CDK6: variants seen among roughly 807,000 people sequenced by gnomAD.
The protein encoded by CDK6 is cyclin-dependent kinase 6.
A neutral mutation model predicts 37.1 loss-of-function variants in CDK6; 6 were observed. The ratio of observed to expected loss-of-function variants is 0.16; its 90% CI spans 0.09 to 0.32. CDK6 has a LOEUF of 0.32. Among genes scored for constraint, CDK6 ranks in the 10% least tolerant of loss-of-function variants. The pLI is 1.00. For missense variants in CDK6, 224 were observed against 418.9 expected (o/e 0.53, Z 4.06); for synonymous variants, 160 against 161.3 (o/e 0.99, Z 0.06).
At chr7:92,791,231 T>C (rs1353292207) in intron 2 of CDK6, among the ~76,000 whole-genome samples, 6 of 152,146 alleles carry the variant, frequency 3.9e-5, no homozygotes, top group Admixed American at 3.9e-4. Context: ...CTTTTGACTT[T>C]GGGGACTTGG....
At chr7:92,711,551 AATTTTTT>A (rs1380327751) in intron 4 of CDK6, among the ~76,000 whole-genome samples, 1 of 130,532 alleles carries the variant, frequency 7.7e-6, no homozygotes, top group African/African-American at 3.3e-5. Context: ...GGAATGGTCA[AATTTTTT>A]TTTTTTTTTT....
chr7:92,662,993 C>T (rs1275900109), intron 5 of CDK6, among the ~76,000 whole-genome samples: 2 of 152,032 alleles, frequency 1.3e-5, no homozygotes, highest in Admixed American at 6.5e-5. Context: ...GAACTTCTTC[C>T]TATGTGACAA....
intron 3 of CDK6, among the ~76,000 whole-genome samples, chr7:92,746,097 G>A (rs1799051512): frequency 6.6e-6 from 1 of 152,076 alleles, no homozygotes; most frequent in African/African-American, 2.4e-5. Context: ...TTTCTTATAG[G>A]TCTATGTCAT....
intron 4 of CDK6, among the ~76,000 whole-genome samples, chr7:92,702,046 T>C (rs972462870): frequency 1.3e-5 from 2 of 152,088 alleles, no homozygotes; most frequent in Non-Finnish European, 2.9e-5. Flanking sequence ...GCAGAAAACA[T>C]GTCACTTCAC....
chr7:92,832,868 T>C (rs1801527100), intron 2 of CDK6, among the ~76,000 whole-genome samples: 2 of 152,170 alleles, frequency 1.3e-5, no homozygotes, highest in Non-Finnish European at 2.9e-5. Context: ...GCTCAGGTCA[T>C]GTTTTTTTGA....
intron 2 of CDK6, among the ~76,000 whole-genome samples, chr7:92,785,196 T>C (rs1157180388): frequency 1.3e-5 from 2 of 152,190 alleles, no homozygotes; most frequent in East Asian, 3.8e-4. Context: ...GGAATACTAT[T>C]TAGTAATAGA....
intron 5 of CDK6, among the ~76,000 whole-genome samples, chr7:92,669,122 T>A (rs992338681): frequency 1.3e-5 from 2 of 152,194 alleles, no homozygotes; most frequent in Non-Finnish European, 2.9e-5. Context: ...TCAGTCCCAA[T>A]GCTGAGATGG....
intron 4 of CDK6, among the ~76,000 whole-genome samples, chr7:92,681,219 G>A (rs1254878530): frequency 6.6e-6 from 1 of 152,178 alleles, no homozygotes; most frequent in Admixed American, 6.5e-5. Flanking sequence ...GATTGTGTAA[G>A]AAGACTCACA....
chr7:92,806,865 G>A (rs928938561), intron 2 of CDK6, among the ~76,000 whole-genome samples: 4 of 151,976 alleles, frequency 2.6e-5, no homozygotes, highest in Admixed American at 2.0e-4. Context: ...TTTTTCTACC[G>A]TAAGACCATA....
chr7:92,624,052 A>G (rs1467418717), intron 5 of CDK6, among the ~76,000 whole-genome samples: 1 of 152,096 alleles, frequency 6.6e-6, no homozygotes, highest in African/African-American at 2.4e-5. Flanking sequence ...TTCTGTGCAC[A>G]ATAAATGAAC....
intron 2 of CDK6, among the ~76,000 whole-genome samples, chr7:92,814,794 A>G (rs1373289387): frequency 1.3e-5 from 2 of 152,116 alleles, no homozygotes; most frequent in Non-Finnish European, 2.9e-5. Context: ...AGAAGTCACC[A>G]AAGAGATAGT....
chr7:92,699,398 T>A (rs1797792517), intron 4 of CDK6, among the ~76,000 whole-genome samples: 1 of 152,242 alleles, frequency 6.6e-6, no homozygotes, highest in South Asian at 2.1e-4. Flanking sequence ...ATAATGCCTC[T>A]TGGTAACAGG....
chr7:92,695,883 G>A (rs768364343), intron 4 of CDK6, among the ~76,000 whole-genome samples: 5 of 152,166 alleles, frequency 3.3e-5, no homozygotes, highest in Admixed American at 6.5e-5. Flanking sequence ...GTGTGCACTG[G>A]AGCTGCACAA....
intron 5 of CDK6, among the ~76,000 whole-genome samples, chr7:92,642,176 T>TACAA (rs1796324109): frequency 6.6e-6 from 1 of 152,150 alleles, no homozygotes; most frequent in Non-Finnish European, 1.5e-5. Context: ...CTCCTCCTTG[T>TACAA]GGAGGAGTCA....
intron 4 of CDK6, chr7:92,725,117 G>A (rs1305095776): frequency 2.7e-5 from 27 of 985,202 alleles, no homozygotes; most frequent in Non-Finnish European, 3.0e-5. Flanking sequence ...CTGGCATGGC[G>A]GTGCTCTACG....
intron 4 of CDK6, among the ~76,000 whole-genome samples, chr7:92,706,433 A>G (rs1256456953): frequency 6.6e-6 from 1 of 152,222 alleles, no homozygotes; most frequent in East Asian, 1.9e-4. Context: ...TACAGTAGGG[A>G]AAGAAATTTA....
At chr7:92,655,359 T>C (rs1206891765) in intron 5 of CDK6, among the ~76,000 whole-genome samples, 1 of 152,144 alleles carries the variant, frequency 6.6e-6, no homozygotes, top group Non-Finnish European at 1.5e-5. Context: ...ATGCAATCTG[T>C]AAAAAAGGTA....
intron 2 of CDK6, among the ~76,000 whole-genome samples, chr7:92,830,581 C>T (rs141739337): frequency 6.6e-6 from 1 of 152,324 alleles, no homozygotes; most frequent in African/African-American, 2.4e-5. Flanking sequence ...GAATTGCTGT[C>T]AACTGTCCTT....
chr7:92,774,329 CT>C (rs1331691727), intron 3 of CDK6, among the ~76,000 whole-genome samples: 2 of 152,182 alleles, frequency 1.3e-5, no homozygotes, highest in Non-Finnish European at 2.9e-5. Context: ...CAAATTATGT[CT>C]CTCATAGACA....
Sources: gnomAD v4.1 joint callset for allele counts (sites outside exome capture counted in the v4.1 genomes callset) on GRCh38, gnomAD v4.1.1 for gene constraint, MANE v1.5 for transcripts, NCBI Gene and HGNC (gene_info 2026-07-23, HGNC 2026-07-21) for gene names.